DDX42: variants seen among roughly 807,000 people sequenced by gnomAD.
The protein encoded by DDX42 is DEAD-box helicase 42, also known as ATP-dependent RNA helicase DDX42.
Under a neutral mutation model 101.5 loss-of-function variants are expected in DDX42, and 22 were observed. That is an observed-to-expected ratio of 0.22 (90% CI 0.15 to 0.31). The LOEUF (loss-of-function observed/expected upper bound fraction) is 0.31. Ranked by LOEUF, DDX42 falls within the 10% of genes least tolerant of loss-of-function variation. The pLI is 1.00. For missense variants in DDX42, 849 were observed against 1,199.9 expected (o/e 0.71, Z 4.32); for synonymous variants, 402 against 401.2 (o/e 1.00, Z -0.02).
intron 6 of DDX42, among the ~76,000 whole-genome samples, chr17:63,802,610 T>G (rs2039785294): frequency 6.6e-6 from 1 of 151,980 alleles, no homozygotes; most frequent in African/African-American, 2.4e-5. Flanking sequence ...TAAATTTTGT[T>G]TTTTAATAAC....
intron 9 of DDX42, 101 bp from the exon 10 acceptor site, chr17:63,808,718 AT>A: frequency 6.7e-7 from 1 of 1,485,616 alleles, no homozygotes. Flanking sequence ...CTAGGTTTCG[AT>A]TTTTTATGAC....
At chr17:63,778,441 C>T (rs1298504669) in intron 1 of DDX42, among the ~76,000 whole-genome samples, 3 of 152,158 alleles carry the variant, frequency 2.0e-5, no homozygotes, top group African/African-American at 7.2e-5. Flanking sequence ...CTCTTGCTTG[C>T]TTTTCATAGC....
chr17:63,808,325 C>T (rs2039867539), intron 9 of DDX42, among the ~76,000 whole-genome samples: 2 of 152,172 alleles, frequency 1.3e-5, no homozygotes, highest in African/African-American at 4.8e-5. Flanking sequence ...GGGCACACGC[C>T]ACCACACCTG....
At chr17:63,787,427 T>C (rs9747164) in intron 2 of DDX42, among the ~76,000 whole-genome samples, 157 bp downstream of exon 2, 35,380 of 152,164 alleles carry the variant, frequency 0.23, 4,309 homozygotes, top group Middle Eastern at 0.34. Context: ...AGTTAAATTA[T>C]CAGGTTTACT....
At chr17:63,808,179 A>T (rs1233671959) in intron 9 of DDX42, among the ~76,000 whole-genome samples, 2 of 151,980 alleles carry the variant, frequency 1.3e-5, no homozygotes, top group African/African-American at 4.8e-5. Context: ...ATTTATTTTT[A>T]TTTATTTGCT....
intron 3 of DDX42, among the ~76,000 whole-genome samples, chr17:63,793,509 C>T (rs1385128486): frequency 6.6e-6 from 1 of 152,120 alleles, no homozygotes; most frequent in Non-Finnish European, 1.5e-5. Context: ...CTCAAGTGAT[C>T]CTCTAGCCTC....
At chr17:63,792,265 C>A in intron 2 of DDX42, 147 bp from the exon 3 acceptor site, 2 of 740,634 alleles carry the variant, frequency 2.7e-6, no homozygotes, top group Non-Finnish European at 4.1e-6. Context: ...ATAATTAGGT[C>A]ATTAGCCAAA....
rs1168237822 is a variant in DDX42, at chr17:63,774,216, T to TGGCGGTGGCGGC, written c.-168_-157dup. 2.2e-4 allele frequency: 47 copies of TGGCGGTGGCGGC among 217,300 alleles called. 3 individuals are homozygous for TGGCGGTGGCGGC. Among genetic ancestry groups the TGGCGGTGGCGGC allele is most frequent in the Middle Eastern group, 1.3e-3 (1 of 752 alleles). The allele number at this position is 217,300 out of a possible 1,614,324, so 13.5% of individuals were successfully genotyped here. ...ACGGGCCGTGAGGCGGTGGCGGTGG[T>TGGCGGTGGCGGC]GGCGGTGGCGGCGGCGGTGGTGGTG... On this transcript the variant is annotated 5_prime_UTR_variant, in exon 1 of 18. Transcript: ENST00000389924.
At chr17:63,817,136 G>T in intron 17 of DDX42, 170 bp downstream of exon 17, 2 of 585,638 alleles carry the variant, frequency 3.4e-6, no homozygotes, top group Non-Finnish European at 6.0e-6. Flanking sequence ...AGTTGGAAAT[G>T]CAAGTTGATC....
At position 63,777,137 on chromosome 17, in the gene DDX42, G is replaced by A. The variant is rs1207545970; in HGVS notation, c.-17+2761G>A. Among the ~76,000 whole-genome samples the A allele has an allele frequency of 2.0e-5, 3 of 152,036 alleles. No homozygotes were observed. The East Asian group carries it at 5.8e-4, about 30-fold the overall frequency. Reference sequence around the variant, plus strand: ...TTGCCCAGGCTGGTCTCAAACTCGTGGCCTTAAGTGATCCTCCCACCTTGG... The same window carrying A: ...TTGCCCAGGCTGGTCTCAAACTCGTAGCCTTAAGTGATCCTCCCACCTTGG... On this transcript the variant is annotated intron_variant, in intron 1 of 17. Coordinates refer to ENST00000389924, the MANE Select transcript of DDX42 (RefSeq NM_203499.3).
At chr17:63,776,575 A>G (rs2039423665) in intron 1 of DDX42, among the ~76,000 whole-genome samples, 1 of 151,534 alleles carries the variant, frequency 6.6e-6, no homozygotes, top group South Asian at 2.1e-4. Context: ...GAACAAGTAC[A>G]TTTTTGTGTA....
intron 6 of DDX42, 51 bp downstream of exon 6, chr17:63,800,668 T>C (rs572421441): frequency 4.7e-5 from 75 of 1,587,582 alleles, no homozygotes; most frequent in Non-Finnish European, 6.4e-5. Context: ...GATGCTTTAC[T>C]TCAGCTTTAA....
intron 2 of DDX42, among the ~76,000 whole-genome samples, chr17:63,788,611 A>G (rs768586745): frequency 6.6e-6 from 1 of 152,092 alleles, no homozygotes; most frequent in Non-Finnish European, 1.5e-5. Context: ...CCCGGGCTAC[A>G]TCTAAGTCTT....
At chr17:63,785,585 C>T (rs2039538223) in intron 1 of DDX42, among the ~76,000 whole-genome samples, 1 of 145,456 alleles carries the variant, frequency 6.9e-6, no homozygotes, top group African/African-American at 2.6e-5. Context: ...TGGACAACAT[C>T]ACAAGACCCT....
intron 7 of DDX42, 74 bp from the exon 8 acceptor site, chr17:63,806,461 G>T: frequency 6.8e-7 from 1 of 1,472,246 alleles, no homozygotes; most frequent in East Asian, 2.5e-5. Flanking sequence ...CTAGATCCAG[G>T]TAAGTATTGT....
At chr17:63,799,484 G>A (rs1245399400) in intron 4 of DDX42, 105 bp from the exon 5 acceptor site, 2 of 1,237,746 alleles carry the variant, frequency 1.6e-6, no homozygotes, top group Non-Finnish European at 2.3e-6. Flanking sequence ...TATTAGTGTT[G>A]AGAGTTCCTG....
chr17:63,792,870 A>T, intron 3 of DDX42, among the ~76,000 whole-genome samples: 1 of 152,160 alleles, frequency 6.6e-6, no homozygotes. Flanking sequence ...TCAATCTAGC[A>T]TTTGTTAAGT....
At chr17:63,786,923 G>A (rs888100343) in intron 1 of DDX42, 111 bp from the exon 2 acceptor site, 13 of 1,032,918 alleles carry the variant, frequency 1.3e-5, no homozygotes, top group Middle Eastern at 2.8e-4. Flanking sequence ...TGGTCCACCT[G>A]CCTTGGCCTC....
At chr17:63,802,816 A>G (rs1425312553) in intron 6 of DDX42, among the ~76,000 whole-genome samples, 1 of 151,928 alleles carries the variant, frequency 6.6e-6, no homozygotes, top group East Asian at 1.9e-4. Context: ...AGAGTGAGGC[A>G]GGAGAGTCAC....
Sources: allele counts gnomAD v4.1 joint callset (sites outside exome capture counted in the v4.1 genomes callset), GRCh38; gene constraint gnomAD v4.1.1; transcripts MANE v1.5; gene names NCBI Gene and HGNC (gene_info 2026-07-23, HGNC 2026-07-21).